DCTN5: variants seen among roughly 807,000 people sequenced by gnomAD.
DCTN5 encodes the protein dynactin 4.
DCTN5 carries 14 observed loss-of-function variants against 23.5 expected under a neutral mutation model. The observed-to-expected ratio is 0.60, with a 90% CI of 0.39 to 0.93. The LOEUF (loss-of-function observed/expected upper bound fraction) is 0.93. Ranked by LOEUF, DCTN5 falls within the 40% of genes least tolerant of loss-of-function variation. DCTN5 has a pLI of 0.00. For missense variants in DCTN5, 156 were observed against 225.9 expected (o/e 0.69, Z 1.98); for synonymous variants, 67 against 79.6 (o/e 0.84, Z 0.84).
intron 2 of DCTN5, chr16:23,650,682 G>A: frequency 7.1e-7 from 1 of 1,402,456 alleles, no homozygotes; most frequent in South Asian, 1.3e-5. Context: ...CCTCCTCTTG[G>A]TGGAAAGTTA....
intron 3 of DCTN5, 102 bp downstream of exon 3, chr16:23,658,727 T>C (rs1967757884): frequency 1.2e-6 from 1 of 861,672 alleles, no homozygotes; most frequent in East Asian, 2.4e-5. Context: ...TCTGTCCTGT[T>C]TGAAGCACTG....
intron 2 of DCTN5, among the ~76,000 whole-genome samples, chr16:23,652,734 T>G (rs1378408026): frequency 6.6e-6 from 1 of 152,230 alleles, no homozygotes; most frequent in African/African-American, 2.4e-5. Flanking sequence ...TTCTGAAGTT[T>G]CATATAATTA....
At chr16:23,663,910 A>G (rs1403292085) in intron 4 of DCTN5, among the ~76,000 whole-genome samples, 2 of 152,208 alleles carry the variant, frequency 1.3e-5, no homozygotes, top group Admixed American at 6.5e-5. Context: ...AGGTGCCTTC[A>G]GGCTGCATGG....
At chr16:23,651,685 A>C (rs1468861107) in intron 2 of DCTN5, among the ~76,000 whole-genome samples, 2 of 152,256 alleles carry the variant, frequency 1.3e-5, no homozygotes, top group Non-Finnish European at 2.9e-5. Flanking sequence ...GAGGAAGTTC[A>C]TGCTAGAAAT....
chr16:23,660,240 TATC>T (rs1296177336), intron 3 of DCTN5, among the ~76,000 whole-genome samples: 2 of 152,250 alleles, frequency 1.3e-5, no homozygotes, highest in Admixed American at 6.5e-5. Context: ...AGAGGACAGG[TATC>T]ATCTCTGAAA....
In DCTN5 at chr16:23,661,403, G is replaced by T. The variant is rs1468166893; in HGVS notation, c.348+122G>T. On this transcript the variant is annotated intron_variant, in intron 4 of 5. Coordinates refer to ENST00000300087, the MANE Select transcript of DCTN5 (RefSeq NM_032486.4). ...AGCAGTGGTTTCCAGTCTTCCCAGA[G>T]TTGGATTTTTCTTGACAGATATGGA... 7.4e-6 allele frequency: 5 copies of T among 673,174 alleles called. No homozygotes were observed. In the East Asian group the frequency reaches 1.4e-4, roughly 19 times the overall value. 41.7% of individuals were successfully genotyped at this position (673,174 alleles called of 1,614,324 possible).
chr16:23,667,041 C>T lies in DCTN5; in HGVS notation c.452-6C>T. 2 of 1,613,730 alleles carry T rather than the reference C, an allele frequency of 1.2e-6. No homozygotes were observed. Among genetic ancestry groups the T allele is most frequent in the East Asian group, 2.2e-5 (1 of 44,870 alleles). The stretch of plus-strand genomic sequence containing the variant: ...GCTCCTTAGAGCTGGGTCTTTCTTT[C>T]CCCAGGACTCTTCTCAGGGGAGCTC... On this transcript the variant is annotated splice_polypyrimidine_tract_variant and splice_region_variant and intron_variant, in intron 5 of 5. Transcript: ENST00000300087.
intron 4 of DCTN5, 112 bp from the exon 5 acceptor site, chr16:23,665,514 C>T (rs1258195166): frequency 7.0e-6 from 7 of 1,002,522 alleles, no homozygotes; most frequent in Non-Finnish European, 1.0e-5. Context: ...TTGCAACCAA[C>T]CCTCTTGTCA....
chr16:23,663,574 G>A lies in DCTN5; in HGVS notation c.349-2052G>A, dbSNP rs1266441067. 1.7e-4 allele frequency among the ~76,000 whole-genome samples: 26 copies of A among 151,952 alleles called. 1 individual carries two copies. Among genetic ancestry groups the A allele is most frequent in the Admixed American group, 1.6e-3 (25 of 15,268 alleles). ...ACTAAAAATACAAAAAAATTAACTG[G>A]GCATGGTAGCACATGCCTGTAATCC... is the stretch of plus-strand genomic sequence containing the variant. On this transcript the variant is annotated intron_variant, in intron 4 of 5. Coordinates refer to ENST00000300087, the MANE Select transcript of DCTN5 (RefSeq NM_032486.4).
At position 23,672,259 on chromosome 16, in the gene DCTN5, A is replaced by G. The variant is rs1406926640; in HGVS notation, c.*5115A>G. 1 of 152,204 alleles carries G rather than the reference A, an allele frequency of 6.6e-6. No individual in the cohort carries two copies. The highest frequency in any genetic ancestry group is 2.4e-5 in the African/African-American group (1 of 41,454). The allele number at this position is 152,204 out of a possible 1,614,324, so 9.4% of individuals were successfully genotyped here. A position where few individuals can be genotyped will look rare whatever the true frequency, so the allele number is the denominator to read the frequency against. ...ACTGTCAAAACCATGTGCCTGTACT[A>G]TTTGGAGTGCTGTCCTTGCAGAATC... On this transcript the variant is annotated 3_prime_UTR_variant, in exon 6 of 6. Transcript: ENST00000300087.
At chr16:23,650,785 A>G in intron 2 of DCTN5, 2 of 1,533,586 alleles carry the variant, frequency 1.3e-6, no homozygotes, top group South Asian at 1.2e-5. Flanking sequence ...TCCTGAGCCC[A>G]TATATCAGAT....
intron 2 of DCTN5, among the ~76,000 whole-genome samples, chr16:23,655,719 A>G (rs1479363744): frequency 1.3e-5 from 2 of 151,534 alleles, no homozygotes; most frequent in East Asian, 1.9e-4. Context: ...TAATTTTTGT[A>G]TTTTTTGCAA....
chr16:23,661,314 T>C (rs1222603925), intron 4 of DCTN5, 33 bp downstream of exon 4: 2 of 1,511,976 alleles, frequency 1.3e-6, no homozygotes, highest in African/African-American at 2.8e-5. Flanking sequence ...CAAAGCAGCT[T>C]CACTTTCCCT....
In DCTN5 at chr16:23,672,427, A is replaced by G. The variant is rs1402231522; in HGVS notation, c.*5283A>G. 2 of 152,236 alleles carry G rather than the reference A, an allele frequency of 1.3e-5. No individual in the cohort carries two copies. Among genetic ancestry groups the G allele is most frequent in the Non-Finnish European group, 2.9e-5 (2 of 68,052 alleles). The allele number at this position is 152,236 out of a possible 1,614,324, so 9.4% of individuals were successfully genotyped here. A position where few individuals can be genotyped will look rare whatever the true frequency, so the allele number is the denominator to read the frequency against. ...ATTAAGTACTTTCCCAAGGTCATAC[A>G]GCTAGTGATGGAGGAGCTAGCATTT... On this transcript the variant is annotated 3_prime_UTR_variant, in exon 6 of 6. Transcript: ENST00000300087.
At chr16:23,643,045 A>T in intron 2 of DCTN5, 22 bp downstream of exon 2, 1 of 1,610,546 alleles carries the variant, frequency 6.2e-7, no homozygotes, top group Non-Finnish European at 8.5e-7. Flanking sequence ...AGCCAGCTCC[A>T]GGCTGCAAAC....
In DCTN5 at chr16:23,667,895, T is replaced by A. The variant is rs899866320; in HGVS notation, c.*751T>A. The A allele has an allele frequency of 6.6e-6, 1 of 152,256 alleles. No homozygotes were observed. The highest frequency in any genetic ancestry group is 2.4e-5 in the African/African-American group (1 of 41,454). 9.4% of individuals were successfully genotyped at this position (152,256 alleles called of 1,614,324 possible). On this transcript the variant is annotated 3_prime_UTR_variant, in exon 6 of 6. Transcript: ENST00000300087. ...ATGCATTAGTCAGGTGGTTACTCCT[T>A]GCTTCAAGGTACTTACCTTATTTCA...
Position 23,641,490 on chromosome 16 carries a change from A to C in DCTN5, c.-53A>C. Reference sequence around the variant, plus strand: ...CGGAAGTAGCCGGAATCTCTGAAAGACTGACCGACTGACTCTGACAGGATC... The same window carrying C: ...CGGAAGTAGCCGGAATCTCTGAAAGCCTGACCGACTGACTCTGACAGGATC... On this transcript the variant is annotated 5_prime_UTR_variant, in exon 1 of 6. Transcript: ENST00000300087. 1 of 1,610,428 alleles carries C rather than the reference A, an allele frequency of 6.2e-7. No homozygotes were observed. The highest frequency in any genetic ancestry group is 8.5e-7 in the Non-Finnish European group (1 of 1,177,260).
intron 5 of DCTN5, 109 bp downstream of exon 5, chr16:23,665,837 G>A (rs925549583): frequency 2.2e-6 from 2 of 892,006 alleles, no homozygotes; most frequent in Non-Finnish European, 1.7e-6. Flanking sequence ...TGTTGATAGA[G>A]CTAACTTAGA....
rs568583499 is a variant in DCTN5 at position 23,670,993 on chromosome 16, C to G, written c.*3849C>G. ...AGTGGAGACTAAGATGGAGCCAGTTCTTTCTCATAGGGATCTCACAGCTTA... is the reference window on the plus strand; with the variant it reads ...AGTGGAGACTAAGATGGAGCCAGTTGTTTCTCATAGGGATCTCACAGCTTA... On this transcript the variant is annotated 3_prime_UTR_variant, in exon 6 of 6. Transcript: ENST00000300087. 15 of 152,304 alleles carry G rather than the reference C, an allele frequency of 9.8e-5. No homozygotes were observed. The highest frequency in any genetic ancestry group is 3.6e-4 in the African/African-American group (15 of 41,566). The allele number at this position is 152,304 out of a possible 1,614,324, so 9.4% of individuals were successfully genotyped here.
Sources: gnomAD v4.1 joint callset for allele counts (sites outside exome capture counted in the v4.1 genomes callset) on GRCh38, gnomAD v4.1.1 for gene constraint, MANE v1.5 for transcripts, NCBI Gene and HGNC (gene_info 2026-07-23, HGNC 2026-07-21) for gene names.